Variants in DPP10 observed in about 807,000 individuals in gnomAD.
DPP10 encodes inactive dipeptidyl peptidase 10.
In DPP10, 33 loss-of-function variants were observed where a neutral mutation model predicts 120.9. The observed-to-expected ratio is 0.27, with a 90% CI of 0.21 to 0.37. The LOEUF is 0.37. Ranked by LOEUF, DPP10 falls within the 10% of genes least tolerant of loss-of-function variation. DPP10 has a pLI of 1.00. For missense variants in DPP10, 816 were observed against 942.8 expected, an observed-to-expected ratio of 0.87 and a Z score of 1.76; for synonymous variants, 337 against 326.1, an observed-to-expected ratio of 1.03 and a Z score of -0.36.
intron 1 of DPP10, among the ~76,000 whole-genome samples, chr2:114,862,493 G>A (rs528826674): frequency 6.6e-6 from 1 of 152,194 alleles, no homozygotes; most frequent in South Asian, 2.1e-4. Flanking sequence ...TTGGCAGATG[G>A]ACTGTGATTT....
At chr2:115,720,013 AATCT>A (rs1166788531) in intron 7 of DPP10, among the ~76,000 whole-genome samples, 5 of 152,290 alleles carry the variant, frequency 3.3e-5, no homozygotes, top group South Asian at 2.1e-4. Context: ...TTGATACAGA[AATCT>A]ATCTATCTAC....
At chr2:115,622,510 C>CTTTTTTTTTTTTTTTTTTTTTTATTT (rs2085032286) in intron 5 of DPP10, among the ~76,000 whole-genome samples, 1 of 117,448 alleles carries the variant, frequency 8.5e-6, no homozygotes, top group African/African-American at 3.4e-5. Context: ...ATTTTATTGT[C>CTTTTTTTTTTTTTTTTTTTTTTATTT]TTTTTTTTTT....
chr2:115,251,198 A>G (rs1162928419), intron 1 of DPP10, among the ~76,000 whole-genome samples: 1 of 152,202 alleles, frequency 6.6e-6, no homozygotes, highest in African/African-American at 2.4e-5. Flanking sequence ...TCTCCAATTT[A>G]CAACGGCTTC....
chr2:114,755,275 G>A (rs1679621550), intron 1 of DPP10, among the ~76,000 whole-genome samples: 1 of 152,138 alleles, frequency 6.6e-6, no homozygotes, highest in Admixed American at 6.5e-5. Context: ...ACTAGAAAGT[G>A]GTTACACTGT....
chr2:115,195,143 A>G (rs974501299), intron 1 of DPP10, among the ~76,000 whole-genome samples: 5 of 152,154 alleles, frequency 3.3e-5, no homozygotes, highest in Non-Finnish European at 5.9e-5. Context: ...GTAATTTGAA[A>G]TCTATTTTCT....
intron 1 of DPP10, among the ~76,000 whole-genome samples, chr2:114,753,426 A>G (rs150359547): frequency 6.6e-6 from 1 of 152,282 alleles, no homozygotes; most frequent in East Asian, 1.9e-4. Flanking sequence ...GGATAATGTA[A>G]GTCTTATCTC....
At chr2:114,680,539 G>T (rs987521592) in intron 1 of DPP10, among the ~76,000 whole-genome samples, 2 of 151,830 alleles carry the variant, frequency 1.3e-5, no homozygotes, top group African/African-American at 4.8e-5. Flanking sequence ...AGCTAATTGT[G>T]CATCTCTTCA....
At chr2:115,436,399 G>T (rs1439844182) in intron 3 of DPP10, among the ~76,000 whole-genome samples, 3 of 90,098 alleles carry the variant, frequency 3.3e-5, no homozygotes, top group Non-Finnish European at 9.1e-5. Flanking sequence ...ATTGCAAAAA[G>T]ATTTTTTTTT....
chr2:115,430,079 ATAAAT>A (rs2070835290), intron 3 of DPP10, among the ~76,000 whole-genome samples: 1 of 152,244 alleles, frequency 6.6e-6, no homozygotes, highest in Non-Finnish European at 1.5e-5. Context: ...TAGTTGGGAA[ATAAAT>A]TAAATGAATT....
At chr2:114,740,944 T>C (rs536572929) in intron 1 of DPP10, among the ~76,000 whole-genome samples, 28 of 152,330 alleles carry the variant, frequency 1.8e-4, no homozygotes, top group Admixed American at 1.5e-3. Flanking sequence ...TGAAATCTGT[T>C]GAGAGTTCCA....
chr2:114,492,721 C>T (rs1682114879), intron 1 of DPP10, among the ~76,000 whole-genome samples: 1 of 152,176 alleles, frequency 6.6e-6, no homozygotes, highest in Admixed American at 6.5e-5. Context: ...GGATAGTGTT[C>T]TTGGCTCAGT....
At chr2:115,705,918 A>G (rs2092086603) in intron 7 of DPP10, among the ~76,000 whole-genome samples, 1 of 151,784 alleles carries the variant, frequency 6.6e-6, no homozygotes, top group South Asian at 2.1e-4. Flanking sequence ...AGCTCATATC[A>G]TTTATTTACT....
intron 1 of DPP10, among the ~76,000 whole-genome samples, chr2:114,578,173 T>G (rs1485124547): frequency 6.6e-6 from 1 of 152,210 alleles, no homozygotes; most frequent in African/African-American, 2.4e-5. Context: ...AGAACTATGA[T>G]AACCAGTATC....
At chr2:115,570,308 G>A (rs2081264539) in intron 5 of DPP10, among the ~76,000 whole-genome samples, 1 of 152,158 alleles carries the variant, frequency 6.6e-6, no homozygotes, top group Non-Finnish European at 1.5e-5. Context: ...ACTCAATATA[G>A]TCAGGATAGA....
intron 1 of DPP10, among the ~76,000 whole-genome samples, chr2:114,493,175 T>G (rs552105083): frequency 1.6e-4 from 25 of 152,182 alleles, no homozygotes; most frequent in Admixed American, 7.2e-4. Context: ...CAAAGTGTGG[T>G]GGTGAGCAGA....
intron 8 of DPP10, among the ~76,000 whole-genome samples, chr2:115,739,335 A>C (rs1205007202): frequency 6.6e-6 from 1 of 151,932 alleles, no homozygotes; most frequent in East Asian, 1.9e-4. Context: ...AGTTTGATGA[A>C]TCTAGTGGGC....
chr2:115,573,135 A>G (rs1044252041), intron 5 of DPP10, among the ~76,000 whole-genome samples: 1 of 152,172 alleles, frequency 6.6e-6, no homozygotes, highest in Non-Finnish European at 1.5e-5. Flanking sequence ...ACCTATTAAT[A>G]TCAAGTAGGA....
At chr2:114,877,450 C>T (rs948104186) in intron 1 of DPP10, among the ~76,000 whole-genome samples, 2 of 152,010 alleles carry the variant, frequency 1.3e-5, no homozygotes, top group African/African-American at 4.8e-5. Flanking sequence ...AACATAGATA[C>T]TTGAGGCCTC....
At chr2:115,256,027 G>C (rs1437203127) in intron 1 of DPP10, among the ~76,000 whole-genome samples, 2 of 152,082 alleles carry the variant, frequency 1.3e-5, no homozygotes, top group African/African-American at 4.8e-5. Context: ...ACTTTCTGTG[G>C]TACCAATTTA....
Sources: allele counts gnomAD v4.1 joint callset (sites outside exome capture counted in the v4.1 genomes callset), GRCh38; gene constraint gnomAD v4.1.1; transcripts MANE v1.5; gene names NCBI Gene and HGNC (gene_info 2026-07-23, HGNC 2026-07-21).